The following PCDHA3 variants were observed in gnomAD, a reference collection of about 807,000 sequenced individuals.
PCDHA3 encodes protocadherin alpha 3.
In PCDHA3, 41 loss-of-function variants were observed where a neutral mutation model predicts 62.2. The ratio of observed to expected loss-of-function variants is 0.66; its 90% CI spans 0.51 to 0.86. The LOEUF (loss-of-function observed/expected upper bound fraction) is 0.86, where lower values mean the gene tolerates loss of function less well. Ranked by LOEUF, PCDHA3 falls within the 40% of genes least tolerant of loss-of-function variation. The pLI, the probability that PCDHA3 is intolerant of heterozygous loss-of-function variation, is 0.00. For missense variants in PCDHA3, 1,304 were observed against 1,241.2 expected (o/e 1.05, Z -0.76); for synonymous variants, 640 against 555.4 (o/e 1.15, Z -2.14).
intron 1 of PCDHA3, 198 bp downstream of exon 1, chr5:140,803,789 T>C: frequency 1.2e-6 from 1 of 835,778 alleles, no homozygotes. Flanking sequence ...TAAGTTATGA[T>C]ATCCACACTT....
intron 1 of PCDHA3, among the ~76,000 whole-genome samples, chr5:140,873,370 T>A (rs2054256707): frequency 6.6e-6 from 1 of 152,166 alleles, no homozygotes; most frequent in Non-Finnish European, 1.5e-5. Flanking sequence ...TAACTGAAGA[T>A]CTTTTAAAGA....
intron 3 of PCDHA3, among the ~76,000 whole-genome samples, chr5:140,993,183 A>C (rs551464442): frequency 2.7e-4 from 41 of 152,298 alleles, no homozygotes; most frequent in Non-Finnish European, 5.0e-4. Flanking sequence ...ATTTCTTTAG[A>C]GGGAAACTCA....
At chr5:140,810,984 G>T (rs1764771297) in intron 1 of PCDHA3, 1 of 151,832 alleles carries the variant, frequency 6.6e-6, no homozygotes, top group South Asian at 2.1e-4. Context: ...GTGAGGTAGG[G>T]GTCAAGATTT....
intron 1 of PCDHA3, among the ~76,000 whole-genome samples, chr5:140,889,903 A>G (rs2062424264): frequency 6.6e-6 from 1 of 152,126 alleles, no homozygotes; most frequent in African/African-American, 2.4e-5. Flanking sequence ...CTACCTTGAG[A>G]TTGTCATACT....
At chr5:140,868,806 G>C (rs374832846) in intron 1 of PCDHA3, 8 of 356,954 alleles carry the variant, frequency 2.2e-5, no homozygotes, top group Non-Finnish European at 4.0e-5. Flanking sequence ...AAATAAGCAC[G>C]TTGGAAATAT....
chr5:140,831,488 T>TAGC (rs2150194785), intron 1 of PCDHA3, among the ~76,000 whole-genome samples: 86,389 of 148,520 alleles, frequency 0.58, 25,934 homozygotes, highest in African/African-American at 0.72. Context: ...GCCTCTGGAG[T>TAGC]TACTACACAC....
chr5:140,842,381 T>A (rs2150334920), intron 1 of PCDHA3: 1 of 1,610,534 alleles, frequency 6.2e-7, no homozygotes, highest in South Asian at 1.1e-5. Context: ...AGCACTGACT[T>A]CCTTATCCTT....
intron 3 of PCDHA3, among the ~76,000 whole-genome samples, chr5:140,994,862 G>A (rs1434007632): frequency 1.3e-5 from 2 of 152,174 alleles, no homozygotes; most frequent in African/African-American, 4.8e-5. Flanking sequence ...TTTGATGGAT[G>A]TGGTAGAATA....
At chr5:140,804,975 C>T in intron 1 of PCDHA3, 1 of 1,485,256 alleles carries the variant, frequency 6.7e-7, no homozygotes, top group Non-Finnish European at 9.0e-7. Context: ...ATAGTGTGTC[C>T]ATCTCAGGTC....
chr5:140,869,719 C>T, intron 1 of PCDHA3: 1 of 1,613,314 alleles, frequency 6.2e-7, no homozygotes, highest in Admixed American at 1.7e-5. Flanking sequence ...AGAGAAAACT[C>T]CGGAACTTAA....
At chr5:140,861,430 A>G (rs370794784) in intron 1 of PCDHA3, 18 of 488,226 alleles carry the variant, frequency 3.7e-5, no homozygotes, top group African/African-American at 3.5e-4. Context: ...TTTCAGTTGG[A>G]TTCCAAAAGC....
chr5:140,834,730 T>G, intron 1 of PCDHA3: 2 of 1,614,148 alleles, frequency 1.2e-6, no homozygotes, highest in Non-Finnish European at 1.7e-6. Context: ...CCGCTGCAGG[T>G]TTTCCATGTG....
At chr5:140,978,597 A>G (rs897045455) in intron 1 of PCDHA3, among the ~76,000 whole-genome samples, 1 of 152,234 alleles carries the variant, frequency 6.6e-6, no homozygotes, top group Non-Finnish European at 1.5e-5. Flanking sequence ...TTAATGGGGC[A>G]CTTGAGGGCA....
chr5:140,875,485 G>A (rs367652529), intron 1 of PCDHA3: 13 of 1,611,424 alleles, frequency 8.1e-6, no homozygotes, highest in African/African-American at 1.3e-5. Context: ...GGTGATTATC[G>A]GACCAAGAGG....
intron 1 of PCDHA3, chr5:140,843,382 G>C: frequency 6.3e-7 from 1 of 1,596,126 alleles, no homozygotes; most frequent in Non-Finnish European, 8.6e-7. Flanking sequence ...CTGGCGTTTT[G>C]GGTCCGGAAG....
At position 140,801,225 on chromosome 5, in the gene PCDHA3, G is replaced by A. The variant is rs557580137; in HGVS notation, c.28G>A (p.Gly10Arg). The change falls in exon 1 of 4, where the codon GGA (glycine) becomes AGA (arginine). Residue 10 changes from glycine to arginine, a missense_variant. By Grantham distance (125) the Gly-to-Arg change is moderately radical. Coordinates refer to ENST00000522353, the MANE Select transcript of PCDHA3 (RefSeq NM_018906.3). ...GTTGTTCTCCTGGCGAGAAGATCCT[G>A]GAGCCCAGTGCCTGCTGCTTTCTCT... MLFSWREDP[G>R]AQCLLLSLLL... is the part of the protein sequence containing the mutation. The A allele has an allele frequency of 4.3e-6, 7 of 1,610,934 alleles. No individual in the cohort carries two copies. The East Asian group carries it at 8.9e-5, about 21-fold the overall frequency.
chr5:140,927,802 A>G (rs782489417), intron 1 of PCDHA3: 1 of 1,614,030 alleles, frequency 6.2e-7, no homozygotes, highest in African/African-American at 1.3e-5. Flanking sequence ...TCCGCCTGAA[A>G]CGCTCTTGGA....
intron 1 of PCDHA3, among the ~76,000 whole-genome samples, chr5:140,894,553 T>G (rs2064537673): frequency 6.6e-6 from 1 of 152,008 alleles, no homozygotes; most frequent in South Asian, 2.1e-4. Flanking sequence ...TGTTTACTTC[T>G]GAAAAAATTA....
chr5:140,808,124 A>G, intron 1 of PCDHA3: 1 of 1,614,134 alleles, frequency 6.2e-7, no homozygotes, highest in East Asian at 2.2e-5. Context: ...CTTTGAAGAA[A>G]GCAAATCCTA....
Sources: allele counts gnomAD v4.1 joint callset (sites outside exome capture counted in the v4.1 genomes callset), GRCh38; gene constraint gnomAD v4.1.1; transcripts MANE v1.5; gene names NCBI Gene and HGNC (gene_info 2026-07-23, HGNC 2026-07-21).